Variants in SCFD2 observed in about 807,000 individuals in gnomAD.
The protein encoded by SCFD2 is sec1 family domain-containing protein 2.
Under a neutral mutation model 58.9 loss-of-function variants are expected in SCFD2, and 54 were observed. The observed-to-expected ratio is 0.92, with a 90% CI of 0.74 to 1.15. The LOEUF is 1.15. SCFD2 is among the 50% of genes most tolerant of loss of function. The pLI, the probability that SCFD2 is intolerant of heterozygous loss-of-function variation, is 0.00. For missense variants in SCFD2, 805 were observed against 836.6 expected, an observed-to-expected ratio of 0.96 and a Z score of 0.47; for synonymous variants, 321 against 335.9, an observed-to-expected ratio of 0.96 and a Z score of 0.49.
chr4:53,344,443 T>C (rs1360468728), intron 2 of SCFD2, among the ~76,000 whole-genome samples: 3 of 151,870 alleles, frequency 2.0e-5, no homozygotes, highest in African/African-American at 7.3e-5. Context: ...CTCAACGAAA[T>C]AAAAGAGGAC....
At chr4:53,157,607 C>A (rs1424086560) in intron 4 of SCFD2, among the ~76,000 whole-genome samples, 1 of 146,040 alleles carries the variant, frequency 6.8e-6, no homozygotes, top group Non-Finnish European at 1.5e-5. Context: ...AAACAAATGT[C>A]ATCCTCATTT....
intron 3 of SCFD2, among the ~76,000 whole-genome samples, chr4:53,279,077 A>C (rs1731429550): frequency 6.6e-6 from 1 of 152,222 alleles, no homozygotes; most frequent in Admixed American, 6.5e-5. Context: ...AGTAATGGAC[A>C]GAATATTTAT....
chr4:53,243,828 A>C (rs1729978178), intron 4 of SCFD2, among the ~76,000 whole-genome samples: 1 of 152,196 alleles, frequency 6.6e-6, no homozygotes, highest in Admixed American at 6.5e-5. Flanking sequence ...AAGCAGAAAA[A>C]AGCAAAGGTT....
rs142391418 is a variant in SCFD2, at chr4:52,904,695, A to G, written c.1842+2762T>C. 1.4e-4 allele frequency among the ~76,000 whole-genome samples: 21 copies of G among 152,330 alleles called. No homozygotes were observed. In the East Asian group the frequency reaches 3.7e-3, roughly 27 times the overall value. On this transcript the variant is annotated intron_variant, in intron 7 of 8. Transcript: ENST00000401642. ...TGTGCTAATGAGTAACCATGAAGGA[A>G]ACCAGAAAGAATAACATATGAGTAT...
At chr4:53,068,237 C>A (rs1723718827) in intron 5 of SCFD2, among the ~76,000 whole-genome samples, 1 of 152,040 alleles carries the variant, frequency 6.6e-6, no homozygotes, top group Non-Finnish European at 1.5e-5. Flanking sequence ...TATACCATCA[C>A]CCTGACCCAC....
intron 4 of SCFD2, among the ~76,000 whole-genome samples, chr4:53,217,391 C>A (rs1327102326): frequency 1.3e-5 from 2 of 152,130 alleles, no homozygotes. Flanking sequence ...ATCCCTTTAC[C>A]ATTATATAAT....
chr4:53,317,530 A>G (rs749795821), intron 2 of SCFD2, among the ~76,000 whole-genome samples: 26 of 152,256 alleles, frequency 1.7e-4, no homozygotes, highest in Non-Finnish European at 2.4e-4. Context: ...TATGTCAAGA[A>G]AAGTTAATTG....
At chr4:53,228,494 T>A (rs986515871) in intron 4 of SCFD2, among the ~76,000 whole-genome samples, 2 of 152,168 alleles carry the variant, frequency 1.3e-5, no homozygotes, top group Non-Finnish European at 2.9e-5. Context: ...TTGATGAAGA[T>A]AAAATAGATA....
intron 4 of SCFD2, among the ~76,000 whole-genome samples, chr4:53,207,515 T>TAAA (rs1482958463): frequency 0.017 from 209 of 12,204 alleles, 19 homozygotes; most frequent in African/African-American, 0.064. Flanking sequence ...ATTATATATA[T>TAAA]TATATATATA....
intron 4 of SCFD2, among the ~76,000 whole-genome samples, chr4:53,232,368 T>C (rs1729465978): frequency 6.6e-6 from 1 of 152,192 alleles, no homozygotes; most frequent in South Asian, 2.1e-4. Context: ...GGTGATAATC[T>C]ATCAATTTTT....
At position 52,874,062 on chromosome 4, in the gene SCFD2, C is replaced by A. The variant is rs941314721; in HGVS notation, c.1963-1G>T. 1.2e-6 allele frequency: 2 copies of A among 1,610,640 alleles called. No homozygotes were observed. Among genetic ancestry groups the A allele is most frequent in the Non-Finnish European group, 1.7e-6 (2 of 1,176,880 alleles). ...GGAGTCGTGTGGACAGCACGATTAC[C>A]TAACAACAGGAGAGGGCAAACACAC... On this transcript the variant is annotated splice_acceptor_variant, in intron 8 of 8. Transcript: ENST00000401642. LOFTEE classifies it high-confidence loss of function.
intron 5 of SCFD2, among the ~76,000 whole-genome samples, chr4:53,043,353 G>GCTAA (rs138805288): frequency 0.026 from 3,987 of 152,244 alleles, 79 homozygotes; most frequent in African/African-American, 0.054. Context: ...GGAGATCTTA[G>GCTAA]CTGTCAACTA....
intron 4 of SCFD2, among the ~76,000 whole-genome samples, chr4:53,184,833 T>C (rs1395753326): frequency 6.6e-6 from 1 of 152,116 alleles, no homozygotes; most frequent in Admixed American, 6.6e-5. Context: ...TTACTTGCTC[T>C]AATATACCCT....
intron 2 of SCFD2, among the ~76,000 whole-genome samples, chr4:53,317,733 G>A (rs1213591503): frequency 6.6e-6 from 1 of 152,102 alleles, no homozygotes; most frequent in Non-Finnish European, 1.5e-5. Flanking sequence ...AACAACACAA[G>A]GTGCCATTTT....
At chr4:53,336,180 A>G (rs1560454125) in intron 2 of SCFD2, among the ~76,000 whole-genome samples, 1 of 152,156 alleles carries the variant, frequency 6.6e-6, no homozygotes, top group Non-Finnish European at 1.5e-5. Flanking sequence ...TCTAAAACTC[A>G]TTTTTCTCCT....
chr4:52,969,172 C>A (rs1383056949), intron 5 of SCFD2, among the ~76,000 whole-genome samples: 2 of 152,136 alleles, frequency 1.3e-5, no homozygotes, highest in Non-Finnish European at 2.9e-5. Flanking sequence ...CCACACTCTT[C>A]CTTGGCTATA....
At chr4:53,050,389 C>T (rs1431993255) in intron 5 of SCFD2, among the ~76,000 whole-genome samples, 3 of 152,224 alleles carry the variant, frequency 2.0e-5, no homozygotes, top group South Asian at 2.1e-4. Context: ...CGTGATTAAA[C>T]GAATCAAGAT....
chr4:52,908,805 A>G (rs567814485), intron 6 of SCFD2, among the ~76,000 whole-genome samples: 2 of 152,328 alleles, frequency 1.3e-5, no homozygotes, highest in South Asian at 4.1e-4. Context: ...GATAAGATGC[A>G]GGGAAAACTA....
chr4:53,261,602 T>C (rs1730830792), intron 4 of SCFD2, among the ~76,000 whole-genome samples: 1 of 152,172 alleles, frequency 6.6e-6, no homozygotes, highest in African/African-American at 2.4e-5. Context: ...CTATAATTTA[T>C]ATTTTCTTAC....
Sources: allele counts gnomAD v4.1 joint callset (sites outside exome capture counted in the v4.1 genomes callset), GRCh38; gene constraint gnomAD v4.1.1; transcripts MANE v1.5; gene names NCBI Gene and HGNC (gene_info 2026-07-23, HGNC 2026-07-21).